ARHGAP15: variants seen among roughly 807,000 people sequenced by gnomAD.
ARHGAP15 encodes Rho GTPase activating protein 15.
In ARHGAP15, 51 loss-of-function variants were observed where a neutral mutation model predicts 63.7. The ratio of observed to expected loss-of-function variants is 0.80; its 90% CI spans 0.64 to 1.01. The LOEUF is 1.01. Among genes scored for constraint, ARHGAP15 ranks in the 50% least tolerant of loss-of-function variants. The pLI is 0.00. For missense variants in ARHGAP15, 560 were observed against 564.6 expected, an observed-to-expected ratio of 0.99 and a Z score of 0.08; for synonymous variants, 191 against 193.8, an observed-to-expected ratio of 0.99 and a Z score of 0.12.
intron 6 of ARHGAP15, among the ~76,000 whole-genome samples, chr2:143,294,833 T>C (rs1291209280): frequency 2.0e-5 from 3 of 152,072 alleles, no homozygotes; most frequent in Admixed American, 1.3e-4. Context: ...AGTGGGACTC[T>C]TTCTGCAAAC....
intron 8 of ARHGAP15, among the ~76,000 whole-genome samples, chr2:143,455,717 AT>A (rs1558983348): frequency 1.3e-5 from 2 of 152,130 alleles, no homozygotes; most frequent in Admixed American, 1.3e-4. Flanking sequence ...TGTCTAGCTC[AT>A]ATTGAATTTT....
chr2:143,155,259 T>C (rs1690031668), intron 1 of ARHGAP15, among the ~76,000 whole-genome samples: 1 of 151,890 alleles, frequency 6.6e-6, no homozygotes, highest in Non-Finnish European at 1.5e-5. Context: ...CCTATAAACT[T>C]CTGAAGTCCT....
chr2:143,215,195 G>C (rs1024460044), intron 3 of ARHGAP15, among the ~76,000 whole-genome samples: 1 of 152,166 alleles, frequency 6.6e-6, no homozygotes, highest in African/African-American at 2.4e-5. Context: ...GGAGATTCAG[G>C]ATGGTGCACC....
chr2:143,201,003 G>A (rs1558810081), intron 2 of ARHGAP15, among the ~76,000 whole-genome samples: 1 of 152,086 alleles, frequency 6.6e-6, no homozygotes, highest in Non-Finnish European at 1.5e-5. Flanking sequence ...AGCACAACAG[G>A]AATAGCTTGT....
chr2:143,133,859 T>C (rs1689007187), intron 1 of ARHGAP15, among the ~76,000 whole-genome samples: 1 of 152,156 alleles, frequency 6.6e-6, no homozygotes, highest in Non-Finnish European at 1.5e-5. Flanking sequence ...TATATGCACA[T>C]CTATGTGTGT....
At chr2:143,704,923 C>T (rs1224146496) in intron 13 of ARHGAP15, among the ~76,000 whole-genome samples, 7 of 152,178 alleles carry the variant, frequency 4.6e-5, no homozygotes, top group Non-Finnish European at 8.8e-5. Flanking sequence ...AATCTGCCTA[C>T]CACTCTTAGC....
intron 1 of ARHGAP15, among the ~76,000 whole-genome samples, chr2:143,153,873 TTCC>T (rs372991318): frequency 0.12 from 5,394 of 46,232 alleles, 363 homozygotes; most frequent in Middle Eastern, 0.24. Context: ...CCTCCTCCTC[TTCC>T]TCCTCCTCCT....
chr2:143,485,683 C>T (rs772682270), intron 8 of ARHGAP15, among the ~76,000 whole-genome samples: 29 of 152,022 alleles, frequency 1.9e-4, no homozygotes, highest in Non-Finnish European at 3.4e-4. Flanking sequence ...TTAAGGAGGG[C>T]GTGCTGCTGG....
intron 5 of ARHGAP15, among the ~76,000 whole-genome samples, chr2:143,239,021 C>A (rs1040943920): frequency 9.9e-5 from 15 of 151,938 alleles, no homozygotes; most frequent in African/African-American, 2.9e-4. Flanking sequence ...ATACTGGGGC[C>A]TGTTGGAGGT....
At chr2:143,343,121 G>A (rs1293243867) in intron 6 of ARHGAP15, among the ~76,000 whole-genome samples, 1 of 152,076 alleles carries the variant, frequency 6.6e-6, no homozygotes, top group Non-Finnish European at 1.5e-5. Flanking sequence ...TAGTAGTAGG[G>A]TAGATTTTTA....
chr2:143,743,498 C>A (rs1272880462), intron 13 of ARHGAP15, among the ~76,000 whole-genome samples: 2 of 152,138 alleles, frequency 1.3e-5, no homozygotes, highest in Admixed American at 1.3e-4. Flanking sequence ...CTTTCCCTGC[C>A]TGTGGCCTGT....
intron 2 of ARHGAP15, chr2:143,162,297 A>G (rs191683426): frequency 6.6e-6 from 1 of 152,116 alleles, no homozygotes; most frequent in Admixed American, 6.6e-5. Context: ...GCATGGATCA[A>G]GAAGAGATGA....
chr2:143,564,591 C>T (rs1285281930), intron 11 of ARHGAP15, among the ~76,000 whole-genome samples: 4 of 152,028 alleles, frequency 2.6e-5, no homozygotes, highest in African/African-American at 4.8e-5. Context: ...CTGGTGGAGA[C>T]ATGACTTACC....
At chr2:143,202,230 A>C in intron 3 of ARHGAP15, 28 bp downstream of exon 3, 1 of 1,551,474 alleles carries the variant, frequency 6.4e-7, no homozygotes. Context: ...TATATTCTTC[A>C]TCTACTGATA....
intron 11 of ARHGAP15, among the ~76,000 whole-genome samples, chr2:143,593,699 A>G (rs6754484): frequency 6.6e-6 from 1 of 152,200 alleles, no homozygotes; most frequent in African/African-American, 2.4e-5. Context: ...GCCATAGCAC[A>G]TATTATTTTA....
At chr2:143,343,592 G>A (rs928238787) in intron 6 of ARHGAP15, among the ~76,000 whole-genome samples, 2 of 152,016 alleles carry the variant, frequency 1.3e-5, no homozygotes, top group Non-Finnish European at 2.9e-5. Flanking sequence ...ATAGAAACTC[G>A]ATATTTGTTG....
intron 10 of ARHGAP15, among the ~76,000 whole-genome samples, chr2:143,545,570 T>C (rs1378362101): frequency 6.6e-6 from 1 of 152,178 alleles, no homozygotes; most frequent in Non-Finnish European, 1.5e-5. Context: ...GTCTGTATTG[T>C]GTCTGTGTAT....
Position 143,153,843 on chromosome 2 carries a change from T to TTCTTCTTCCTCTTCCTCCTCC in ARHGAP15, c.-14-1632_-14-1631insTTCTTCCTCTTCCTCCTCCTC, listed in dbSNP as rs1689957969. 4.6e-4 allele frequency among the ~76,000 whole-genome samples: 40 copies of TTCTTCTTCCTCTTCCTCCTCC among 86,892 alleles called. 5 individuals are homozygous for TTCTTCTTCCTCTTCCTCCTCC. The highest frequency in any genetic ancestry group is 3.8e-3 in the East Asian group (9 of 2,392). The allele number at this position is 86,892 out of a possible 152,430, so 57.0% of individuals were successfully genotyped here. On this transcript the variant is annotated intron_variant, in intron 1 of 13. Transcript: ENST00000295095. ...CTTCTTCTTCTTCTTCTTCTTCTTC[T>TTCTTCTTCCTCTTCCTCCTCC]TCCTCCTCCTCCTCCTCCTCCTCCT...
intron 5 of ARHGAP15, among the ~76,000 whole-genome samples, chr2:143,230,078 A>G (rs1693378933): frequency 6.6e-6 from 1 of 152,198 alleles, no homozygotes; most frequent in African/African-American, 2.4e-5. Context: ...GGCCAGGCAC[A>G]AAACAACTAC....
Sources: allele counts gnomAD v4.1 joint callset (sites outside exome capture counted in the v4.1 genomes callset), GRCh38; gene constraint gnomAD v4.1.1; transcripts MANE v1.5; gene names NCBI Gene and HGNC (gene_info 2026-07-23, HGNC 2026-07-21).